Variants in PRRG1 observed in about 807,000 individuals in gnomAD.
PRRG1 encodes the protein transmembrane gamma-carboxyglutamic acid protein 1.
A neutral mutation model predicts 11.8 loss-of-function variants in PRRG1; 5 were observed. The ratio of observed to expected loss-of-function variants is 0.42; its 90% CI spans 0.22 to 0.89. The LOEUF (loss-of-function observed/expected upper bound fraction) is 0.89. Among genes scored for constraint, PRRG1 ranks in the 40% least tolerant of loss-of-function variants. The pLI is 0.28. For missense variants in PRRG1, 155 were observed against 166.1 expected (o/e 0.93, Z 0.37); for synonymous variants, 66 against 60.4 (o/e 1.09, Z -0.43).
chrX:37,387,143 T>C (rs1556375415), intron 1 of PRRG1, among the ~76,000 whole-genome samples: 1 of 112,002 alleles, frequency 8.9e-6, no homozygotes, highest in African/African-American at 3.3e-5. Context: ...AATAGAACAC[T>C]TAAAACAATT....
At chrX:37,434,230 A>T (rs978705381) in intron 3 of PRRG1, among the ~76,000 whole-genome samples, 2 of 112,298 alleles carry the variant, frequency 1.8e-5, no homozygotes, top group Non-Finnish European at 3.8e-5. Flanking sequence ...TTATTTACCT[A>T]ATTTGGAACA....
intron 1 of PRRG1, chrX:37,403,910 G>T: frequency 3.3e-6 from 1 of 306,171 alleles, no homozygotes; most frequent in Non-Finnish European, 4.3e-6. Flanking sequence ...TGAAACGCTC[G>T]GTGAGGTGGC....
At chrX:37,438,626 G>A (rs1355854477) in intron 3 of PRRG1, among the ~76,000 whole-genome samples, 2 of 109,763 alleles carry the variant, frequency 1.8e-5, no homozygotes, top group African/African-American at 6.6e-5. Flanking sequence ...TAGTAGAGAC[G>A]AGGTTTCACA....
chrX:37,422,663 A>G (rs1321934135), intron 2 of PRRG1, among the ~76,000 whole-genome samples: 1 of 111,992 alleles, frequency 8.9e-6, no homozygotes, highest in East Asian at 2.8e-4. Flanking sequence ...TGCATGTATC[A>G]TGTTCCTTTT....
At chrX:37,353,977 C>G (rs185639955) in intron 1 of PRRG1, among the ~76,000 whole-genome samples, 1 of 112,419 alleles carries the variant, frequency 8.9e-6, no homozygotes, top group Non-Finnish European at 1.9e-5. Flanking sequence ...TGTGAGCTCC[C>G]ATTATTTCAA....
At chrX:37,418,770 C>A (rs1213099851) in intron 2 of PRRG1, among the ~76,000 whole-genome samples, 5 of 111,398 alleles carry the variant, frequency 4.5e-5, no homozygotes, top group African/African-American at 1.6e-4. Context: ...AAAGAGCCTT[C>A]TGACTCTCTT....
At chrX:37,419,563 A>G (rs782049415) in intron 2 of PRRG1, among the ~76,000 whole-genome samples, 1 of 112,053 alleles carries the variant, frequency 8.9e-6, no homozygotes, top group African/African-American at 3.2e-5. Context: ...TATTCTCATA[A>G]GGCTTTAATA....
At chrX:37,428,212 A>G (rs979491820) in intron 3 of PRRG1, among the ~76,000 whole-genome samples, 7 of 111,091 alleles carry the variant, frequency 6.3e-5, no homozygotes, top group African/African-American at 1.6e-4. Context: ...TCATGTCCTC[A>G]TATTTCAAAA....
intron 1 of PRRG1, among the ~76,000 whole-genome samples, chrX:37,368,595 G>A (rs950448844): frequency 2.7e-5 from 3 of 111,065 alleles, no homozygotes; most frequent in Non-Finnish European, 5.7e-5. Flanking sequence ...TAGTTGCTTG[G>A]ATTTTTAAAA....
intron 1 of PRRG1, among the ~76,000 whole-genome samples, chrX:37,354,395 A>AT (rs1244357741): frequency 0.027 from 2,735 of 100,325 alleles, 35 homozygotes; most frequent in Middle Eastern, 0.071. Flanking sequence ...TTATTTTTTT[A>AT]TTTTTTTTTT....
At chrX:37,354,626 C>G (rs782440481) in intron 1 of PRRG1, among the ~76,000 whole-genome samples, 1 of 109,970 alleles carries the variant, frequency 9.1e-6, no homozygotes, top group Admixed American at 9.6e-5. Flanking sequence ...ATCTCCTGAC[C>G]TTGTGATCCG....
chrX:37,389,002 C>T (rs781989758), intron 1 of PRRG1, among the ~76,000 whole-genome samples: 6 of 112,224 alleles, frequency 5.3e-5, no homozygotes, highest in Non-Finnish European at 7.5e-5. Flanking sequence ...GACATTTCTT[C>T]TGCCAGATAT....
intron 1 of PRRG1, among the ~76,000 whole-genome samples, chrX:37,376,549 G>GTATATATATATATATATATATA (rs1491489103): frequency 0.11 from 1,677 of 15,799 alleles, 340 homozygotes; most frequent in African/African-American, 0.13. Flanking sequence ...AGAAATGTGA[G>GTATATATATATATATATATATA]TGTATATATA....
chrX:37,365,521 G>T (rs1236978875), intron 1 of PRRG1, among the ~76,000 whole-genome samples: 8 of 111,891 alleles, frequency 7.1e-5, no homozygotes, highest in Non-Finnish European at 1.5e-4. Context: ...CTCCTTTTTG[G>T]TATAGGTAAA....
intron 1 of PRRG1, among the ~76,000 whole-genome samples, chrX:37,367,941 CT>C (rs1315248132): frequency 2.7e-5 from 3 of 112,288 alleles, no homozygotes; most frequent in African/African-American, 9.7e-5. Flanking sequence ...ACATTTTAGC[CT>C]TGATTATAAC....
At chrX:37,446,094 G>A (rs1266522618) in intron 3 of PRRG1, among the ~76,000 whole-genome samples, 1 of 112,321 alleles carries the variant, frequency 8.9e-6, no homozygotes, top group Non-Finnish European at 1.9e-5. Flanking sequence ...AGTTTGGTGC[G>A]TAATTTCCCT....
rs6609358 is a variant in PRRG1 at position 37,384,265 on chromosome X, C to T, written c.-41-21944C>T. On this transcript the variant is annotated intron_variant, in intron 1 of 3. Coordinates refer to ENST00000378628, the MANE Select transcript of PRRG1 (RefSeq NM_001142395.2). ...CTATATAATAGGGTTAAAACTCATC[C>T]GTGTCCCTTCATTTCCATGGAAAAG... 3.8e-4 allele frequency among the ~76,000 whole-genome samples: 42 copies of T among 111,573 alleles called. No individual in the cohort carries two copies. The East Asian group carries it at 9.3e-3, about 25-fold the overall frequency.
chrX:37,441,309 C>T, intron 3 of PRRG1: 2 of 758,828 alleles, frequency 2.6e-6, no homozygotes, highest in Non-Finnish European at 3.1e-6. Flanking sequence ...AAACTGGACA[C>T]AGGTCAGACA....
chrX:37,360,540 T>C (rs909975089), intron 1 of PRRG1, among the ~76,000 whole-genome samples: 2 of 112,584 alleles, frequency 1.8e-5, no homozygotes, highest in African/African-American at 3.2e-5. Context: ...TCTATTCTTT[T>C]ACATTTGTTA....
Sources: allele counts gnomAD v4.1 joint callset (sites outside exome capture counted in the v4.1 genomes callset), GRCh38; gene constraint gnomAD v4.1.1; transcripts MANE v1.5; gene names NCBI Gene and HGNC (gene_info 2026-07-23, HGNC 2026-07-21).